SLCO1B3: variants seen among roughly 807,000 people sequenced by gnomAD.
The protein encoded by SLCO1B3 is solute carrier organic anion transporter family member 1B3.
Under a neutral mutation model 71.8 loss-of-function variants are expected in SLCO1B3, and 72 were observed. The ratio of observed to expected loss-of-function variants is 1.00; its 90% confidence interval spans 0.83 to 1.22. The LOEUF is 1.22. Ranked by LOEUF, SLCO1B3 falls within the 50% of genes most tolerant of loss-of-function variation. The pLI is 0.00. For synonymous variants in SLCO1B3, 298 were observed against 278.4 expected, an observed-to-expected ratio of 1.07 and a Z score of -0.70; for missense variants, 911 against 819.7, an observed-to-expected ratio of 1.11 and a Z score of -1.36.
Position 20,862,477 on chromosome 12 carries a change from A to T in SLCO1B3, c.547A>T (p.Ile183Leu). The change falls in exon 7 of 16, where the codon ATA becomes TTA. Residue 183 changes from isoleucine (I) to leucine (L), a missense_variant. Coordinates refer to ENST00000381545, the MANE Select transcript of SLCO1B3 (RefSeq NM_019844.4). ...CTTCATGGGGAATATGCTTCGTGGCATAGGGGAAACCCCCATAGTACCATT... is the reference window on the plus strand; with the variant it reads ...CTTCATGGGGAATATGCTTCGTGGCTTAGGGGAAACCCCCATAGTACCATT... ...YVFMGNMLRG[I>L]GETPIVPLGI... The T allele has an allele frequency of 6.2e-7, 1 of 1,613,222 alleles. No individual in the cohort carries two copies. The highest frequency in any genetic ancestry group is 2.2e-5 in the East Asian group (1 of 44,820).
At chr12:20,849,115 G>A (rs34212364) in intron 3 of SLCO1B3, among the ~76,000 whole-genome samples, 109,851 of 151,592 alleles carry the variant, frequency 0.72, 42,359 homozygotes, top group South Asian at 0.9. Flanking sequence ...TTTTTTTTGT[G>A]AATCTAAATT....
chr12:20,901,917 G>A (rs866946447), intron 15 of SLCO1B3: 42 of 440,454 alleles, frequency 9.5e-5, no homozygotes, highest in African/African-American at 8.0e-4. Context: ...TATCCTGCAA[G>A]TGACATTAAG....
In SLCO1B3 at chr12:20,840,253, A is replaced by T. The variant is rs191036235; in HGVS notation, c.85-14775A>T. ...GCAAGGGAGGATGTATTGGATAAAA[A>T]CCTGCTATACATGTGCCTTCAATAA... On this transcript the variant is annotated intron_variant, in intron 3 of 15. Transcript: ENST00000381545. 2.0e-5 allele frequency among the ~76,000 whole-genome samples: 3 copies of T among 152,182 alleles called. No homozygotes were observed. The East Asian group carries it at 5.8e-4, about 29-fold the overall frequency.
At chr12:20,888,573 T>C (rs1231318393) in intron 13 of SLCO1B3, among the ~76,000 whole-genome samples, 1 of 152,056 alleles carries the variant, frequency 6.6e-6, no homozygotes, top group African/African-American at 2.4e-5. Context: ...GTTTATCAAG[T>C]CTAAGAGGCT....
intron 13 of SLCO1B3, among the ~76,000 whole-genome samples, chr12:20,888,917 C>G (rs1054071557): frequency 6.6e-6 from 1 of 151,978 alleles, no homozygotes; most frequent in Non-Finnish European, 1.5e-5. Flanking sequence ...TGGATTTTAT[C>G]AAATGTTTTT....
intron 3 of SLCO1B3, among the ~76,000 whole-genome samples, chr12:20,849,289 A>G (rs571538311): frequency 6.6e-6 from 1 of 152,152 alleles, no homozygotes; most frequent in East Asian, 1.9e-4. Flanking sequence ...GGAATGCAAT[A>G]TATTAAGCAA....
At chr12:20,906,046 A>G (rs1162329751) in intron 15 of SLCO1B3, among the ~76,000 whole-genome samples, 1 of 152,134 alleles carries the variant, frequency 6.6e-6, no homozygotes, top group African/African-American at 2.4e-5. Flanking sequence ...GTGAGAACTC[A>G]CTATCATGAG....
intron 1 of SLCO1B3, among the ~76,000 whole-genome samples, chr12:20,812,195 C>G (rs908473747): frequency 6.6e-6 from 1 of 152,120 alleles, no homozygotes; most frequent in Non-Finnish European, 1.5e-5. Flanking sequence ...GCATGAGTCA[C>G]TGCTCCCGGC....
intron 4 of SLCO1B3, among the ~76,000 whole-genome samples, chr12:20,857,646 A>T (rs181849458): frequency 0.031 from 4,731 of 152,024 alleles, 146 homozygotes; most frequent in Admixed American, 0.11. Context: ...GATTTTTTTT[A>T]AAAAAAGTTT....
At chr12:20,817,656 C>G (rs774005400) in intron 3 of SLCO1B3, among the ~76,000 whole-genome samples, 1 of 152,000 alleles carries the variant, frequency 6.6e-6, no homozygotes, top group Non-Finnish European at 1.5e-5. Context: ...GGCATGATCT[C>G]GGCTCACTGC....
At chr12:20,885,512 A>G (rs987442061) in intron 13 of SLCO1B3, among the ~76,000 whole-genome samples, 2 of 101,462 alleles carry the variant, frequency 2.0e-5, no homozygotes, top group Admixed American at 2.2e-4. Flanking sequence ...GAAGCACTAG[A>G]AAGAAAAATA....
At chr12:20,869,103 G>C (rs953785147) in intron 8 of SLCO1B3, among the ~76,000 whole-genome samples, 3 of 152,300 alleles carry the variant, frequency 2.0e-5, no homozygotes, top group East Asian at 3.9e-4. Flanking sequence ...TATCACAAGA[G>C]GTGGAGGAGC....
chr12:20,916,672 G>A lies in SLCO1B3; in HGVS notation c.*425G>A, dbSNP rs1324369609. On this transcript the variant is annotated 3_prime_UTR_variant, in exon 16 of 16. Transcript: ENST00000381545. Reference sequence around the variant, plus strand: ...TTTATGCTATAATATATATTTTCATGTTAAGTTGTATATTTTTCAGAAATT... The same window carrying A: ...TTTATGCTATAATATATATTTTCATATTAAGTTGTATATTTTTCAGAAATT... 2 of 152,204 alleles carry A rather than the reference G, an allele frequency of 1.3e-5. No homozygotes were observed. Among genetic ancestry groups the A allele is most frequent in the East Asian group, 3.9e-4 (2 of 5,192 alleles). 9.4% of individuals were successfully genotyped at this position (152,204 alleles called of 1,614,324 possible). A position where few individuals can be genotyped will look rare whatever the true frequency, so the allele number is the denominator to read the frequency against.
intron 3 of SLCO1B3, among the ~76,000 whole-genome samples, chr12:20,817,657 G>A (rs908415830): frequency 4.0e-5 from 6 of 151,848 alleles, no homozygotes; most frequent in East Asian, 3.9e-4. Flanking sequence ...GCATGATCTC[G>A]GCTCACTGCA....
intron 3 of SLCO1B3, among the ~76,000 whole-genome samples, chr12:20,825,266 C>G (rs956455747): frequency 6.6e-6 from 1 of 152,104 alleles, no homozygotes; most frequent in African/African-American, 2.4e-5. Flanking sequence ...AAACTCTGAA[C>G]TAAGTTTATC....
chr12:20,896,772 G>C (rs1425242251), intron 13 of SLCO1B3, among the ~76,000 whole-genome samples: 1 of 152,066 alleles, frequency 6.6e-6, no homozygotes, highest in Non-Finnish European at 1.5e-5. Flanking sequence ...TACTGTATTA[G>C]TTTGTTTTTA....
intron 15 of SLCO1B3, among the ~76,000 whole-genome samples, chr12:20,903,203 C>T (rs1296552706): frequency 6.6e-6 from 1 of 151,920 alleles, no homozygotes; most frequent in Non-Finnish European, 1.5e-5. Context: ...AATTTTCTTA[C>T]AAAGCAAATA....
chr12:20,908,334 C>T (rs1450819693), intron 15 of SLCO1B3, among the ~76,000 whole-genome samples: 2 of 152,170 alleles, frequency 1.3e-5, no homozygotes, highest in African/African-American at 4.8e-5. Flanking sequence ...CAACATCTCC[C>T]ATCAGGATGG....
intron 3 of SLCO1B3, among the ~76,000 whole-genome samples, chr12:20,830,345 C>G (rs1309566686): frequency 6.6e-6 from 1 of 151,972 alleles, no homozygotes; most frequent in Non-Finnish European, 1.5e-5. Context: ...GTGCCTTTCT[C>G]AAAAGATTAT....
Sources: gnomAD v4.1 joint callset for allele counts (sites outside exome capture counted in the v4.1 genomes callset) on GRCh38, gnomAD v4.1.1 for gene constraint, MANE v1.5 for transcripts, NCBI Gene and HGNC (gene_info 2026-07-23, HGNC 2026-07-21) for gene names.